The following PITPNB variants were observed in gnomAD, a reference collection of about 807,000 sequenced individuals.
PITPNB encodes phosphatidylinositol transfer protein beta isoform.
A neutral mutation model predicts 45.9 loss-of-function variants in PITPNB; 16 were observed. The observed-to-expected ratio is 0.35, with a 90% CI of 0.24 to 0.53. PITPNB has a LOEUF of 0.53. Among genes scored for constraint, PITPNB ranks in the 20% least tolerant of loss-of-function variants. The probability of loss-of-function intolerance (pLI) is 0.93; values close to 1 mark genes in which losing one functional copy is unlikely to be tolerated. For synonymous variants in PITPNB, 112 were observed against 108.9 expected (o/e 1.03, Z -0.18); for missense variants, 188 against 330.5 (o/e 0.57, Z 3.34).
At chr22:27,917,786 AAATAAT>A (rs538637370) in intron 1 of PITPNB, among the ~76,000 whole-genome samples, 1 of 152,214 alleles carries the variant, frequency 6.6e-6, no homozygotes, top group Non-Finnish European at 1.5e-5. Context: ...AGTAGGAGAA[AAATAAT>A]AATAATAAAT....
intron 7 of PITPNB, among the ~76,000 whole-genome samples, chr22:27,874,565 C>A (rs867968740): frequency 1.3e-5 from 2 of 152,000 alleles, no homozygotes; most frequent in Admixed American, 1.3e-4. Context: ...CCTGACAGAA[C>A]GGAGGAAATG....
At chr22:27,919,047 G>A (rs1386665049) in intron 1 of PITPNB, 125 bp downstream of exon 1, 4 of 1,463,694 alleles carry the variant, frequency 2.7e-6, no homozygotes, top group East Asian at 4.5e-5. Flanking sequence ...GGAGGGAGGG[G>A]GCGCCCGCAG....
At chr22:27,918,366 G>A (rs1936148914) in intron 1 of PITPNB, among the ~76,000 whole-genome samples, 1 of 152,166 alleles carries the variant, frequency 6.6e-6, no homozygotes, top group South Asian at 2.1e-4. Flanking sequence ...GGATGCTGAC[G>A]ACACGAACCA....
At position 27,897,081 on chromosome 22, in the gene PITPNB, A is replaced by G. The variant is rs114439371; in HGVS notation, c.297+49T>C. The G allele has an allele frequency of 1.4e-3, 1,886 of 1,318,100 alleles. 13 individuals carry two copies. In the African/African-American group the frequency reaches 0.021, roughly 15 times the overall value. The allele number at this position is 1,318,100 out of a possible 1,614,324, so 81.7% of individuals were successfully genotyped here. A position where few individuals can be genotyped will look rare whatever the true frequency, so the allele number is the denominator to read the frequency against. ...GTTGAAAATAATTACTGTGTAAAAC[A>G]AAGTTTAAAGATAAAGAAAGTATGA... On this transcript the variant is annotated intron_variant, in intron 5 of 11. Coordinates refer to ENST00000335272, the MANE Select transcript of PITPNB (RefSeq NM_012399.5).
intron 8 of PITPNB, among the ~76,000 whole-genome samples, chr22:27,867,370 C>G (rs1934514996): frequency 6.6e-6 from 1 of 152,086 alleles, no homozygotes; most frequent in Non-Finnish European, 1.5e-5. Context: ...GGGGAAGTCC[C>G]ATCTGGTGGG....
chr22:27,872,523 T>C (rs1191081057), intron 8 of PITPNB, among the ~76,000 whole-genome samples: 1 of 152,206 alleles, frequency 6.6e-6, no homozygotes, highest in Non-Finnish European at 1.5e-5. Context: ...GTGAAAATAA[T>C]ATAGTTATGA....
chr22:27,890,611 G>C (rs1053489620), intron 7 of PITPNB, among the ~76,000 whole-genome samples: 1 of 152,094 alleles, frequency 6.6e-6, no homozygotes, highest in Admixed American at 6.5e-5. Flanking sequence ...TCAGGAGATC[G>C]AGACCATCCT....
At chr22:27,888,758 T>C (rs956322385) in intron 7 of PITPNB, among the ~76,000 whole-genome samples, 22 of 152,178 alleles carry the variant, frequency 1.4e-4, no homozygotes, top group African/African-American at 5.1e-4. Flanking sequence ...CTGAAGGACA[T>C]GTCAACTTTG....
intron 8 of PITPNB, among the ~76,000 whole-genome samples, chr22:27,861,660 A>G (rs1934337661): frequency 6.6e-6 from 1 of 152,184 alleles, no homozygotes; most frequent in South Asian, 2.1e-4. Flanking sequence ...AGCACCACAG[A>G]CAGCAGAGGC....
chr22:27,901,681 C>T (rs778722234), intron 3 of PITPNB, among the ~76,000 whole-genome samples: 14 of 152,092 alleles, frequency 9.2e-5, no homozygotes, highest in South Asian at 2.1e-4. Context: ...GTTGGGAGTT[C>T]GAGACCAGCC....
At chr22:27,880,424 T>C (rs559053540) in intron 7 of PITPNB, among the ~76,000 whole-genome samples, 24 of 152,316 alleles carry the variant, frequency 1.6e-4, no homozygotes, top group Admixed American at 1.2e-3. Context: ...TGCCATGAGC[T>C]GCTCAAAAAC....
rs992682913 is a variant in PITPNB at position 27,919,214 on chromosome 22, T to C, written c.-23A>G. 3.1e-6 allele frequency: 5 copies of C among 1,603,436 alleles called. No individual in the cohort carries two copies. The East Asian group carries it at 6.7e-5, about 21-fold the overall frequency. Reference sequence around the variant, plus strand: ...CATCTTCCCGGAACCCCCTCACAGCTGCCGCCGATACCACCGCCGCCGCCG... The same window carrying C: ...CATCTTCCCGGAACCCCCTCACAGCCGCCGCCGATACCACCGCCGCCGCCG... On this transcript the variant is annotated 5_prime_UTR_variant, in exon 1 of 12. Transcript: ENST00000335272.
chr22:27,856,224 T>C (rs1441066296), intron 10 of PITPNB, among the ~76,000 whole-genome samples: 1 of 152,238 alleles, frequency 6.6e-6, no homozygotes, highest in Non-Finnish European at 1.5e-5. Context: ...ACCAGCTTTA[T>C]GAGGGGGTTA....
chr22:27,901,275 C>T (rs767392004), intron 3 of PITPNB, among the ~76,000 whole-genome samples: 2 of 152,188 alleles, frequency 1.3e-5, no homozygotes, highest in Non-Finnish European at 2.9e-5. Context: ...ATAAGGTACA[C>T]TGAACGCCTG....
chr22:27,884,288 T>C (rs1935054994), intron 7 of PITPNB, among the ~76,000 whole-genome samples: 1 of 152,168 alleles, frequency 6.6e-6, no homozygotes, highest in African/African-American at 2.4e-5. Flanking sequence ...AATATGACAG[T>C]GGAAATTATA....
rs772784843 is a variant in PITPNB, at chr22:27,896,591, G to T, written c.333C>A (p.Ile111=). 1.8e-5 allele frequency: 29 copies of T among 1,610,490 alleles called. No homozygotes were observed. The highest frequency in any genetic ancestry group is 2.1e-5 in the Non-Finnish European group (25 of 1,176,916). The change falls in exon 6 of 12, where the codon ATC becomes ATA. Residue 111 remains isoleucine (I), a synonymous_variant. Transcript: ENST00000335272. ...CCAAGTCTGGTTTGTGCCATGTTTC[G>T]ATTTTAATGAAGAAATCATCTTTCA... ...EYMKDDFFIK[I]ETWHKPDLGT...
intron 3 of PITPNB, among the ~76,000 whole-genome samples, chr22:27,909,826 C>T (rs1451166330): frequency 1.3e-5 from 2 of 152,114 alleles, no homozygotes; most frequent in Non-Finnish European, 1.5e-5. Flanking sequence ...GTTCTTTCGC[C>T]CAGGCTGAAG....
chr22:27,894,641 A>G lies in PITPNB; in HGVS notation c.373-3T>C, dbSNP rs368507385. ...GTGTTTGGATCTAAACCATGTACCT[A>G]CCAATGACAAAGAGAAAAGAAACAA... On this transcript the variant is annotated splice_polypyrimidine_tract_variant and splice_region_variant and intron_variant, in intron 6 of 11. Coordinates refer to ENST00000335272, the MANE Select transcript of PITPNB (RefSeq NM_012399.5). 21 of 1,552,986 alleles carry G rather than the reference A, an allele frequency of 1.4e-5. No individual in the cohort carries two copies. The highest frequency in any genetic ancestry group is 5.3e-6 in the Non-Finnish European group (6 of 1,126,726).
At chr22:27,909,817 T>C (rs548862668) in intron 3 of PITPNB, among the ~76,000 whole-genome samples, 1 of 152,272 alleles carries the variant, frequency 6.6e-6, no homozygotes, top group South Asian at 2.1e-4. Context: ...GTCCATCTTG[T>C]TCTTTCGCCC....
Sources: allele counts gnomAD v4.1 joint callset (sites outside exome capture counted in the v4.1 genomes callset), GRCh38; gene constraint gnomAD v4.1.1; transcripts MANE v1.5; gene names NCBI Gene and HGNC (gene_info 2026-07-23, HGNC 2026-07-21).